The following PPFIA2 variants were observed in gnomAD, a reference collection of about 807,000 sequenced individuals.
The protein encoded by PPFIA2 is liprin-alpha-2.
Under a neutral mutation model 175.5 loss-of-function variants are expected in PPFIA2, and 46 were observed. That is an observed-to-expected ratio of 0.26 (90% CI 0.21 to 0.34). The LOEUF is 0.34. Ranked by LOEUF, PPFIA2 falls within the 10% of genes least tolerant of loss-of-function variation. The pLI, the probability that PPFIA2 is intolerant of heterozygous loss-of-function variation, is 1.00. For missense variants in PPFIA2, 1,179 were observed against 1,506.1 expected, an observed-to-expected ratio of 0.78 and a Z score of 3.60; for synonymous variants, 568 against 511.4, an observed-to-expected ratio of 1.11 and a Z score of -1.49.
At chr12:81,531,040 T>G (rs2064468334) in intron 4 of PPFIA2, among the ~76,000 whole-genome samples, 1 of 151,936 alleles carries the variant, frequency 6.6e-6, no homozygotes, top group Non-Finnish European at 1.5e-5. Flanking sequence ...AATAAATTTT[T>G]TAATGTACTC....
chr12:81,600,236 T>C (rs548717876), intron 4 of PPFIA2, among the ~76,000 whole-genome samples: 1 of 152,058 alleles, frequency 6.6e-6, no homozygotes, highest in East Asian at 1.9e-4. Flanking sequence ...GTTATTTACT[T>C]ACAACAGTAT....
chr12:81,394,099 GT>G (rs1417182060), intron 8 of PPFIA2, among the ~76,000 whole-genome samples: 1 of 151,978 alleles, frequency 6.6e-6, no homozygotes, highest in African/African-American at 2.4e-5. Flanking sequence ...TTACTCACTT[GT>G]TACTTTATCA....
intron 4 of PPFIA2, among the ~76,000 whole-genome samples, chr12:81,490,257 C>A (rs1043938210): frequency 6.6e-6 from 1 of 151,814 alleles, no homozygotes; most frequent in African/African-American, 2.4e-5. Flanking sequence ...TTATTTCCTG[C>A]GAATATTGCT....
At chr12:81,736,802 T>C (rs1304667834) in intron 3 of PPFIA2, among the ~76,000 whole-genome samples, 2 of 152,018 alleles carry the variant, frequency 1.3e-5, no homozygotes, top group Non-Finnish European at 2.9e-5. Context: ...TGGAGTGCAG[T>C]GGTGTGATCA....
chr12:81,543,141 G>A (rs1371567917), intron 4 of PPFIA2, among the ~76,000 whole-genome samples: 1 of 152,034 alleles, frequency 6.6e-6, no homozygotes, highest in Non-Finnish European at 1.5e-5. Context: ...AATACCTAGA[G>A]CCTAGCTGTT....
At chr12:81,601,054 A>G (rs2059739914) in intron 4 of PPFIA2, among the ~76,000 whole-genome samples, 1 of 151,962 alleles carries the variant, frequency 6.6e-6, no homozygotes, top group African/African-American at 2.4e-5. Flanking sequence ...ATTTTATTTT[A>G]GCTGGGAATT....
At chr12:81,503,908 A>T (rs1314157785) in intron 4 of PPFIA2, among the ~76,000 whole-genome samples, 2 of 151,920 alleles carry the variant, frequency 1.3e-5, no homozygotes, top group African/African-American at 2.4e-5. Context: ...TGTAGCATTT[A>T]AAAAAATACA....
At chr12:81,572,206 C>G (rs1203162698) in intron 4 of PPFIA2, among the ~76,000 whole-genome samples, 1 of 151,930 alleles carries the variant, frequency 6.6e-6, no homozygotes, top group African/African-American at 2.4e-5. Flanking sequence ...CTCCCTACTT[C>G]TATCCCTGCT....
At chr12:81,315,519 G>A (rs764693980) in intron 22 of PPFIA2, among the ~76,000 whole-genome samples, 1 of 151,680 alleles carries the variant, frequency 6.6e-6, no homozygotes, top group Non-Finnish European at 1.5e-5. Flanking sequence ...AGAAGAAAAA[G>A]TTCATAAAGC....
intron 22 of PPFIA2, among the ~76,000 whole-genome samples, chr12:81,307,071 G>A (rs571263818): frequency 1.3e-5 from 2 of 152,144 alleles, no homozygotes; most frequent in African/African-American, 2.4e-5. Context: ...TAAGTTGATC[G>A]CTACTTTTTC....
intron 4 of PPFIA2, among the ~76,000 whole-genome samples, chr12:81,508,618 T>TTTA (rs1366982864): frequency 4.6e-4 from 70 of 151,628 alleles, no homozygotes; most frequent in African/African-American, 1.6e-3. Flanking sequence ...TTAAAATTTA[T>TTTA]TTATTATTAT....
chr12:81,747,380 T>G lies in PPFIA2; in HGVS notation c.249+6593A>C, dbSNP rs146331471. Among the ~76,000 whole-genome samples the G allele has an allele frequency of 2.2e-3, 310 of 144,150 alleles. 40 individuals are homozygous for G. Among genetic ancestry groups the G allele is most frequent in the Middle Eastern group, 6.9e-3 (2 of 288 alleles). The allele number at this position is 144,150 out of a possible 152,430, so 94.6% of individuals were successfully genotyped here. A position where few individuals can be genotyped will look rare whatever the true frequency, so the allele number is the denominator to read the frequency against. ...GTGGAAGTGGAAAATTTAGGAAAAT[T>G]TAGTTAAGAACTTTTTAAAAAGATA... On this transcript the variant is annotated intron_variant, in intron 3 of 32. Coordinates refer to ENST00000549396, the MANE Select transcript of PPFIA2 (RefSeq NM_003625.5).
chr12:81,295,970 C>G (rs906523067), intron 23 of PPFIA2, among the ~76,000 whole-genome samples: 1 of 149,752 alleles, frequency 6.7e-6, no homozygotes, highest in African/African-American at 2.5e-5. Flanking sequence ...AGGCTGGGGA[C>G]AGAATGAGAC....
chr12:81,528,439 C>T (rs1450559381), intron 4 of PPFIA2, among the ~76,000 whole-genome samples: 1 of 151,992 alleles, frequency 6.6e-6, no homozygotes, highest in African/African-American at 2.4e-5. Flanking sequence ...TTATTTCAAA[C>T]CTGGCTGATT....
chr12:81,474,883 C>G (rs1419916654), intron 4 of PPFIA2, among the ~76,000 whole-genome samples: 1 of 152,054 alleles, frequency 6.6e-6, no homozygotes, highest in Non-Finnish European at 1.5e-5. Context: ...GATAAAGTCA[C>G]TAGCAGATAC....
chr12:81,703,403 C>T (rs1024487177), intron 3 of PPFIA2, among the ~76,000 whole-genome samples: 2 of 151,960 alleles, frequency 1.3e-5, no homozygotes, highest in Admixed American at 1.3e-4. Context: ...TTTATTCTTC[C>T]TCAATCCCCA....
intron 7 of PPFIA2, among the ~76,000 whole-genome samples, chr12:81,427,198 G>C (rs1443272555): frequency 6.6e-6 from 1 of 151,946 alleles, no homozygotes; most frequent in African/African-American, 2.4e-5. Context: ...GTTTTATACA[G>C]GAGGAAATAT....
chr12:81,752,852 G>A (rs1005416528), intron 3 of PPFIA2, among the ~76,000 whole-genome samples: 2 of 151,978 alleles, frequency 1.3e-5, no homozygotes, highest in African/African-American at 4.8e-5. Flanking sequence ...TTAAAAGAAA[G>A]TTTTAGTTTA....
intron 3 of PPFIA2, among the ~76,000 whole-genome samples, chr12:81,689,267 T>C (rs1423017235): frequency 6.6e-6 from 1 of 152,048 alleles, no homozygotes; most frequent in East Asian, 1.9e-4. Flanking sequence ...CACCAAGTTC[T>C]AAATCATAAT....
Sources: gnomAD v4.1 joint callset for allele counts (sites outside exome capture counted in the v4.1 genomes callset) on GRCh38, gnomAD v4.1.1 for gene constraint, MANE v1.5 for transcripts, NCBI Gene and HGNC (gene_info 2026-07-23, HGNC 2026-07-21) for gene names.